Variants in BANF2 observed in about 807,000 individuals in gnomAD.
BANF2 encodes the protein barrier-to-autointegration factor-like protein.
A neutral mutation model predicts 8.0 loss-of-function variants in BANF2; 4 were observed. The observed-to-expected ratio is 0.50, with a 90% CI of 0.25 to 1.14. BANF2 has a LOEUF of 1.14. BANF2 is among the 50% of genes most tolerant of loss of function. The probability of loss-of-function intolerance (pLI) is 0.16; values close to 1 mark genes in which losing one functional copy is unlikely to be tolerated. For synonymous variants in BANF2, 50 were observed against 40.6 expected (o/e 1.23, Z -0.88); for missense variants, 96 against 107.5 (o/e 0.89, Z 0.47).
intron 3 of BANF2, 68 bp from the exon 4 acceptor site, chr20:17,735,597 G>A (rs2037965470): frequency 6.6e-7 from 1 of 1,524,536 alleles, no homozygotes; most frequent in Non-Finnish European, 9.0e-7. Context: ...TGCTGGGAAG[G>A]AAGAGCGCGT....
chr20:17,735,445 C>T (rs549396214), intron 3 of BANF2, among the ~76,000 whole-genome samples: 64 of 152,282 alleles, frequency 4.2e-4, no homozygotes, highest in Non-Finnish European at 8.7e-4. Context: ...GTGGACGGCC[C>T]GCAAACCAGC....
intron 1 of BANF2, among the ~76,000 whole-genome samples, chr20:17,713,220 G>C (rs902253373): frequency 6.6e-6 from 1 of 151,904 alleles, no homozygotes; most frequent in African/African-American, 2.4e-5. Flanking sequence ...ATTGCACTCC[G>C]GCCTGGTGAT....
intron 3 of BANF2, among the ~76,000 whole-genome samples, chr20:17,729,977 C>T (rs2037868459): frequency 6.6e-6 from 1 of 152,164 alleles, no homozygotes; most frequent in Admixed American, 6.5e-5. Context: ...TGCTTGAGTT[C>T]TCCCACAGTG....
intron 1 of BANF2, among the ~76,000 whole-genome samples, chr20:17,707,384 A>AAAAAAAAAAAAG (rs1490117423): frequency 2.0e-5 from 3 of 151,696 alleles, no homozygotes; most frequent in Admixed American, 6.6e-5. Context: ...CTCTGTGTCA[A>AAAAAAAAAAAAG]AAAAAAGAAA....
chr20:17,699,330 G>A (rs1237614216), upstream of BANF2, among the ~76,000 whole-genome samples: 1 of 152,104 alleles, frequency 6.6e-6, no homozygotes, highest in Non-Finnish European at 1.5e-5. Context: ...AATATACATT[G>A]TACCAAGTTA....
intron 3 of BANF2, chr20:17,731,316 T>C (rs969797480): frequency 6.6e-6 from 1 of 151,978 alleles, no homozygotes; most frequent in African/African-American, 2.4e-5. Flanking sequence ...TGAAATGACA[T>C]GAAGACTTAG....
chr20:17,732,757 GGGT>G (rs529481221), intron 3 of BANF2, among the ~76,000 whole-genome samples: 1 of 152,316 alleles, frequency 6.6e-6, no homozygotes, highest in East Asian at 1.9e-4. Flanking sequence ...CAGCTGCTCA[GGGT>G]TTCTGTGTTT....
At chr20:17,718,706 C>T (rs141642803) in intron 1 of BANF2, among the ~76,000 whole-genome samples, 2 of 152,142 alleles carry the variant, frequency 1.3e-5, no homozygotes, top group African/African-American at 4.8e-5. Flanking sequence ...TTAAAAATAA[C>T]CTTAAAGGAT....
chr20:17,711,495 C>T (rs1236350198), intron 1 of BANF2, among the ~76,000 whole-genome samples: 2 of 152,174 alleles, frequency 1.3e-5, no homozygotes, highest in East Asian at 1.9e-4. Context: ...AGCCGGGTTC[C>T]GGTGCCCCTG....
upstream of BANF2, among the ~76,000 whole-genome samples, chr20:17,694,953 T>C (rs1274128738): frequency 1.3e-5 from 2 of 151,954 alleles, no homozygotes; most frequent in Non-Finnish European, 2.9e-5. Flanking sequence ...ACTATCCTAA[T>C]TCAATCATCC....
chr20:17,712,262 G>A (rs2037584274), intron 1 of BANF2: 2 of 152,328 alleles, frequency 1.3e-5, no homozygotes, highest in Admixed American at 1.3e-4. Flanking sequence ...CCAGGCTTCA[G>A]TTCACCCATC....
intron 3 of BANF2, among the ~76,000 whole-genome samples, chr20:17,726,128 G>A (rs1368350095): frequency 6.6e-6 from 1 of 152,118 alleles, no homozygotes; most frequent in Non-Finnish European, 1.5e-5. Flanking sequence ...GACGAAGGAG[G>A]GAGAACCATT....
chr20:17,696,473 C>G (rs1167117293), upstream of BANF2, among the ~76,000 whole-genome samples: 1 of 152,266 alleles, frequency 6.6e-6, no homozygotes, highest in Admixed American at 6.5e-5. Context: ...TTTGTCAACA[C>G]TTAGTATTGT....
At chr20:17,707,893 T>C (rs898339031) in intron 1 of BANF2, among the ~76,000 whole-genome samples, 3 of 151,798 alleles carry the variant, frequency 2.0e-5, no homozygotes, top group Non-Finnish European at 4.4e-5. Context: ...GCCAAGATTG[T>C]TTTTTAAGAA....
At chr20:17,717,171 G>A (rs188513104) in intron 1 of BANF2, among the ~76,000 whole-genome samples, 50 of 152,226 alleles carry the variant, frequency 3.3e-4, no homozygotes, top group African/African-American at 1.0e-3. Flanking sequence ...GAGCTCCCTC[G>A]GGCTTGACTC....
chr20:17,708,805 T>G (rs1343922371), intron 1 of BANF2, among the ~76,000 whole-genome samples: 1 of 152,220 alleles, frequency 6.6e-6, no homozygotes, highest in African/African-American at 2.4e-5. Context: ...AATCCAGTGT[T>G]GAAACTGACC....
chr20:17,716,580 C>A (rs2122607713), intron 1 of BANF2, among the ~76,000 whole-genome samples: 1 of 150,328 alleles, frequency 6.7e-6, no homozygotes, highest in African/African-American at 2.4e-5. Context: ...AAGAAAGAGA[C>A]AGGTCAGGTG....
intron 1 of BANF2, among the ~76,000 whole-genome samples, chr20:17,715,864 C>T (rs1280309664): frequency 6.6e-6 from 1 of 152,222 alleles, no homozygotes. Context: ...ATTGAAAAGT[C>T]CAAGGGTAGT....
intron 1 of BANF2, among the ~76,000 whole-genome samples, chr20:17,708,056 A>C (rs1405829872): frequency 1.2e-4 from 18 of 151,236 alleles, no homozygotes; most frequent in Non-Finnish European, 2.4e-4. Context: ...CAAAAAAAAA[A>C]AAAAAAAAAA....
Sources: gnomAD v4.1 joint callset for allele counts (sites outside exome capture counted in the v4.1 genomes callset) on GRCh38, gnomAD v4.1.1 for gene constraint, MANE v1.5 for transcripts, NCBI Gene and HGNC (gene_info 2026-07-23, HGNC 2026-07-21) for gene names.